Variants in CUX2 observed in about 807,000 individuals in gnomAD.
The protein encoded by CUX2 is homeobox protein cut-like 2.
CUX2 carries 40 observed loss-of-function variants against 144.8 expected under a neutral mutation model. The observed-to-expected ratio is 0.28, with a 90% CI of 0.21 to 0.36. CUX2 has a LOEUF of 0.36. Among genes scored for constraint, CUX2 ranks in the 10% least tolerant of loss-of-function variants. CUX2 has a pLI of 1.00. For synonymous variants in CUX2, 827 were observed against 875.6 expected (o/e 0.94, Z 0.98); for missense variants, 1,615 against 1,994.0 (o/e 0.81, Z 3.62).
At chr12:111,067,275 AT>A (rs1220335913) in intron 1 of CUX2, among the ~76,000 whole-genome samples, 1 of 152,196 alleles carries the variant, frequency 6.6e-6, no homozygotes, top group Non-Finnish European at 1.5e-5. Flanking sequence ...AGCTGGGCCA[AT>A]CAGAATTCTC....
chr12:111,267,821 T>G (rs1655236716), intron 4 of CUX2, among the ~76,000 whole-genome samples: 2 of 152,040 alleles, frequency 1.3e-5, no homozygotes, highest in South Asian at 4.1e-4. Flanking sequence ...TCTCTCTCTC[T>G]CTCCTTTTAA....
At chr12:111,308,991 G>A (rs760816426) in intron 14 of CUX2, among the ~76,000 whole-genome samples, 6 of 150,888 alleles carry the variant, frequency 4.0e-5, no homozygotes, top group Non-Finnish European at 8.9e-5. Context: ...TGCAGCCTCC[G>A]CCTCCTGGGT....
intron 18 of CUX2, among the ~76,000 whole-genome samples, chr12:111,324,121 C>T (rs138603049): frequency 9.2e-5 from 14 of 152,020 alleles, no homozygotes; most frequent in East Asian, 7.8e-4. Flanking sequence ...GAGGCCAAGG[C>T]GGGCGGATCA....
intron 20 of CUX2, among the ~76,000 whole-genome samples, chr12:111,340,692 T>C (rs887388595): frequency 6.6e-6 from 1 of 152,242 alleles, no homozygotes; most frequent in Admixed American, 6.5e-5. Flanking sequence ...CAATGTACTT[T>C]ACGTTCTTAG....
chr12:111,285,669 G>A (rs1398072558), intron 4 of CUX2, among the ~76,000 whole-genome samples: 1 of 152,170 alleles, frequency 6.6e-6, no homozygotes, highest in East Asian at 1.9e-4. Flanking sequence ...GCCTCACCCT[G>A]GGGAAATGAC....
chr12:111,075,548 C>A (rs761810743), intron 1 of CUX2, among the ~76,000 whole-genome samples: 1 of 152,038 alleles, frequency 6.6e-6, no homozygotes, highest in Non-Finnish European at 1.5e-5. Context: ...GGGCAGCGTT[C>A]GGATGCGGAG....
intron 1 of CUX2, among the ~76,000 whole-genome samples, chr12:111,195,838 CT>C (rs558047845): frequency 6.6e-6 from 1 of 152,042 alleles, no homozygotes; most frequent in Admixed American, 6.5e-5. Flanking sequence ...CTCCTCATTT[CT>C]TTTTTTTCCA....
intron 1 of CUX2, among the ~76,000 whole-genome samples, chr12:111,081,485 C>A (rs1338206941): frequency 6.6e-6 from 1 of 152,066 alleles, no homozygotes; most frequent in Non-Finnish European, 1.5e-5. Flanking sequence ...GATCTAGTCT[C>A]ACCCCTAGAG....
chr12:111,263,108 A>C lies in CUX2; in HGVS notation c.223-653A>C, dbSNP rs1884210322. On this transcript the variant is annotated intron_variant, in intron 3 of 21. Coordinates refer to ENST00000261726, the MANE Select transcript of CUX2 (RefSeq NM_015267.4). The surrounding 1 kb of genome is among the most constrained non-coding windows in gnomAD (Gnocchi z 4.0). ...CTGGGCTTTCAACCCAGATTTTCTA[A>C]CTCCAGAGCCCACACTTTTAACCTT... is the stretch of plus-strand genomic sequence containing the variant. Among the ~76,000 whole-genome samples the C allele has an allele frequency of 6.6e-6, 1 of 151,990 alleles. No individual in the cohort carries two copies. Among genetic ancestry groups the C allele is most frequent in the South Asian group, 2.1e-4 (1 of 4,816 alleles).
At chr12:111,164,953 G>A (rs570467242) in intron 1 of CUX2, among the ~76,000 whole-genome samples, 2 of 152,088 alleles carry the variant, frequency 1.3e-5, no homozygotes, top group Non-Finnish European at 2.9e-5. Context: ...GGCCAGCCAT[G>A]GGGGGGAGAG....
intron 16 of CUX2, among the ~76,000 whole-genome samples, chr12:111,316,470 CAG>C (rs1887200319): frequency 1.1e-5 from 1 of 94,480 alleles, no homozygotes; most frequent in Non-Finnish European, 1.9e-5. Context: ...TTTTTTTTGA[CAG>C]AGTCTTTAGC....
At chr12:111,115,115 A>G (rs993912981) in intron 1 of CUX2, among the ~76,000 whole-genome samples, 2 of 152,112 alleles carry the variant, frequency 1.3e-5, no homozygotes, top group African/African-American at 4.8e-5. Flanking sequence ...TTCCAACTTC[A>G]TTCTTCTGTT....
intron 1 of CUX2, among the ~76,000 whole-genome samples, chr12:111,075,506 G>A (rs113414333): frequency 5.3e-5 from 8 of 152,138 alleles, no homozygotes; most frequent in Non-Finnish European, 7.3e-5. Flanking sequence ...TGCCTTCCCC[G>A]GCAATGGGTA....
chr12:111,126,301 G>T (rs928277967), intron 1 of CUX2, among the ~76,000 whole-genome samples: 2 of 152,066 alleles, frequency 1.3e-5, no homozygotes, highest in African/African-American at 4.8e-5. Flanking sequence ...TAGAGACGGG[G>T]TTTCACCATG....
In CUX2 at chr12:111,084,273, C is replaced by G. The variant is rs535068173; in HGVS notation, c.63+50033C>G. On this transcript the variant is annotated intron_variant, in intron 1 of 21. Coordinates refer to ENST00000261726, the MANE Select transcript of CUX2 (RefSeq NM_015267.4). ...GCCCTGAGACATAAAGGATTTCAGC[C>G]CCCGCCCTTTCCTCCCATTCCTGCC... Among the ~76,000 whole-genome samples, 5 of 152,262 alleles carry G rather than the reference C, an allele frequency of 3.3e-5. No individual in the cohort carries two copies. In the South Asian group the frequency reaches 1.0e-3, roughly 32 times the overall value.
At chr12:111,286,664 G>A (rs1166605816) in intron 4 of CUX2, among the ~76,000 whole-genome samples, 1 of 152,098 alleles carries the variant, frequency 6.6e-6, no homozygotes, top group Non-Finnish European at 1.5e-5. Context: ...CCTGAGATTG[G>A]GAGTTTGAGA....
rs542759612 is a variant in CUX2 at position 111,078,032 on chromosome 12, G to A, written c.63+43792G>A. Reference sequence around the variant, plus strand: ...AGCTCTGGGGGTACCTGGGGTTTCTGTCCCTGTCCTTGGAGATTTTCAAAA... The same window carrying A: ...AGCTCTGGGGGTACCTGGGGTTTCTATCCCTGTCCTTGGAGATTTTCAAAA... On this transcript the variant is annotated intron_variant, in intron 1 of 21. Coordinates refer to ENST00000261726, the MANE Select transcript of CUX2 (RefSeq NM_015267.4). 4.5e-4 allele frequency among the ~76,000 whole-genome samples: 68 copies of A among 152,364 alleles called. 1 individual carries two copies. In the South Asian group the frequency reaches 0.014, roughly 32 times the overall value.
intron 1 of CUX2, among the ~76,000 whole-genome samples, chr12:111,198,875 C>A (rs929496428): frequency 2.0e-5 from 3 of 152,142 alleles, no homozygotes; most frequent in African/African-American, 7.2e-5. Context: ...AGAGAGGGGC[C>A]CCCCTAAGGT....
intron 1 of CUX2, among the ~76,000 whole-genome samples, chr12:111,047,977 C>G (rs1055912984): frequency 6.6e-6 from 1 of 152,100 alleles, no homozygotes; most frequent in Non-Finnish European, 1.5e-5. Flanking sequence ...CCAGGAGGAG[C>G]CTGTGCAAAG....
Sources: allele counts gnomAD v4.1 joint callset (sites outside exome capture counted in the v4.1 genomes callset), GRCh38; gene constraint gnomAD v4.1.1; non-coding constraint Gnocchi (gnomAD v3.1); transcripts MANE v1.5; gene names NCBI Gene and HGNC (gene_info 2026-07-23, HGNC 2026-07-21).